The following POFUT3 variants were observed in gnomAD, a reference collection of about 807,000 sequenced individuals.
POFUT3 encodes the protein protein O-fucosyltransferase 3.
At chr8:33,343,068 G>A in the POFUT3 span, among the ~76,000 whole-genome samples, 1,124 of 149,258 alleles carry the variant, frequency 7.5e-3, 6 homozygotes, top group Admixed American at 0.013. Flanking sequence ...CCAAGATCGC[G>A]CCACTGCACT....
the POFUT3 span, among the ~76,000 whole-genome samples, chr8:33,385,696 A>ACATGGTGAAACCC: frequency 6.6e-6 from 1 of 152,118 alleles, no homozygotes; most frequent in African/African-American, 2.4e-5. Context: ...AGCCTGGCCA[A>ACATGGTGAAACCC]CATGGTGAAA....
At chr8:33,309,351 T>TTGTGTGTGTGTGTGTGTGTG in the POFUT3 span, among the ~76,000 whole-genome samples, 1 of 142,506 alleles carries the variant, frequency 7.0e-6, no homozygotes, top group African/African-American at 2.7e-5. Flanking sequence ...CTTAAAGGTA[T>TTGTGTGTGTGTGTGTGTGTG]TGTGTGTGTG....
the POFUT3 span, among the ~76,000 whole-genome samples, chr8:33,354,688 G>C: frequency 6.6e-6 from 1 of 152,112 alleles, no homozygotes; most frequent in African/African-American, 2.4e-5. Flanking sequence ...CCTTAGCCCA[G>C]TCAACTTGGC....
chr8:33,396,498 A>G, the POFUT3 span, among the ~76,000 whole-genome samples: 2 of 152,100 alleles, frequency 1.3e-5, no homozygotes, highest in African/African-American at 4.8e-5. Context: ...ATTTTTCTAA[A>G]AATACTATGT....
the POFUT3 span, among the ~76,000 whole-genome samples, chr8:33,384,943 A>G: frequency 6.6e-6 from 1 of 151,846 alleles, no homozygotes; most frequent in South Asian, 2.1e-4. Context: ...TGTGACAACA[A>G]TGTGACAGTG....
the POFUT3 span, among the ~76,000 whole-genome samples, chr8:33,415,265 AAAAT>A: frequency 2.0e-5 from 3 of 151,984 alleles, no homozygotes; most frequent in African/African-American, 4.8e-5. Context: ...CTGCCTCAAA[AAAAT>A]AAATAAATAA....
the POFUT3 span, among the ~76,000 whole-genome samples, chr8:33,367,496 C>G: frequency 6.7e-6 from 1 of 149,628 alleles, no homozygotes; most frequent in Non-Finnish European, 1.5e-5. Context: ...GTTTGGGGCT[C>G]TCAGCTCTGA....
the POFUT3 span, among the ~76,000 whole-genome samples, chr8:33,322,633 A>T: frequency 6.6e-6 from 1 of 152,202 alleles, no homozygotes; most frequent in African/African-American, 2.4e-5. Context: ...AGAATATTTG[A>T]GGATAAAGCA....
chr8:33,360,570 C>T, the POFUT3 span, among the ~76,000 whole-genome samples: 2 of 152,054 alleles, frequency 1.3e-5, no homozygotes, highest in African/African-American at 4.8e-5. Flanking sequence ...CCTTTTCCTC[C>T]CCTACACCCC....
At chr8:33,444,907 A>C in the POFUT3 span, among the ~76,000 whole-genome samples, 4 of 150,330 alleles carry the variant, frequency 2.7e-5, no homozygotes, top group South Asian at 8.4e-4. Context: ...TATATATAAA[A>C]TCTATTGTTC....
At chr8:33,444,687 G>A in the POFUT3 span, among the ~76,000 whole-genome samples, 19 of 151,888 alleles carry the variant, frequency 1.3e-4, no homozygotes, top group African/African-American at 4.4e-4. Flanking sequence ...GTGTGGTGGC[G>A]TGTGCCTGTA....
At chr8:33,320,702 T>C in the POFUT3 span, among the ~76,000 whole-genome samples, 1 of 152,096 alleles carries the variant, frequency 6.6e-6, no homozygotes, top group Admixed American at 6.6e-5. Flanking sequence ...AATTAAAGAC[T>C]GGAAGCTGAA....
At chr8:33,353,449 A>G in the POFUT3 span, among the ~76,000 whole-genome samples, 3 of 152,234 alleles carry the variant, frequency 2.0e-5, no homozygotes, top group Non-Finnish European at 2.9e-5. Context: ...GCCAGCACTG[A>G]GATCACTGCA....
At chr8:33,379,094 C>A in the POFUT3 span, among the ~76,000 whole-genome samples, 1 of 152,224 alleles carries the variant, frequency 6.6e-6, no homozygotes, top group East Asian at 1.9e-4. Context: ...CTCTCCCTCC[C>A]TCCCCTCCTG....
the POFUT3 span, among the ~76,000 whole-genome samples, chr8:33,373,395 C>T: frequency 6.6e-6 from 1 of 152,152 alleles, no homozygotes; most frequent in Non-Finnish European, 1.5e-5. Context: ...TTCCACTGCA[C>T]TCAACTGTCC....
chr8:33,460,808 G>A, the POFUT3 span: 1 of 931,102 alleles, frequency 1.1e-6, no homozygotes, highest in Non-Finnish European at 1.3e-6. Flanking sequence ...GAATTGGAAG[G>A]GTCTCCCTGC....
At chr8:33,416,689 T>C in the POFUT3 span, among the ~76,000 whole-genome samples, 1 of 151,724 alleles carries the variant, frequency 6.6e-6, no homozygotes, top group Non-Finnish European at 1.5e-5. Context: ...CTACTAAAAA[T>C]ACAAAAATTA....
chr8:33,326,769 G>A, the POFUT3 span, among the ~76,000 whole-genome samples: 62 of 152,022 alleles, frequency 4.1e-4, no homozygotes, highest in Middle Eastern at 0.014. Context: ...ACTCTCCTAC[G>A]TTTCCTTTTC....
At chr8:33,455,600 C>G in the POFUT3 span, among the ~76,000 whole-genome samples, 1 of 152,224 alleles carries the variant, frequency 6.6e-6, no homozygotes. Context: ...AAGGGTTGAT[C>G]TGCTCCATAT....
Sources: allele counts gnomAD v4.1 joint callset (sites outside exome capture counted in the v4.1 genomes callset), GRCh38; gene constraint gnomAD v4.1.1; transcripts MANE v1.5; gene names NCBI Gene and HGNC (gene_info 2026-07-23, HGNC 2026-07-21).